Variants in SCN1A observed in about 807,000 individuals in gnomAD.
SCN1A encodes sodium channel protein type 1 subunit alpha.
A neutral mutation model predicts 193.7 loss-of-function variants in SCN1A; 13 were observed. That is an observed-to-expected ratio of 0.07 (90% CI 0.04 to 0.11). The LOEUF (loss-of-function observed/expected upper bound fraction) is 0.11, where lower values mean the gene tolerates loss of function less well. SCN1A is among the 10% of genes least tolerant of loss of function. The pLI is 1.00. For synonymous variants in SCN1A, 781 were observed against 843.6 expected, an observed-to-expected ratio of 0.93 and a Z score of 1.29; for missense variants, 1,432 against 2,451.1, an observed-to-expected ratio of 0.58 and a Z score of 8.78.
Position 166,038,371 on chromosome 2 carries a change from T to C in SCN1A, c.2590-239A>G, listed in dbSNP as rs6719077. 0.74 allele frequency among the ~76,000 whole-genome samples: 111,117 copies of C among 151,020 alleles called. 41,241 individuals carry two copies. The highest frequency in any genetic ancestry group is 0.89 in the East Asian group (4,564 of 5,128). ...TTTTCTTTCCTTTTCTTTTTTTTTTTCTTTTGTCACCCAGGCGGGAGTGCA... is the reference window on the plus strand; with the variant it reads ...TTTTCTTTCCTTTTCTTTTTTTTTTCCTTTTGTCACCCAGGCGGGAGTGCA... On this transcript the variant is annotated intron_variant, in intron 17 of 28. Transcript: ENST00000674923.
At chr2:166,053,641 A>T (rs1387360349) in intron 7 of SCN1A, among the ~76,000 whole-genome samples, 1 of 152,018 alleles carries the variant, frequency 6.6e-6, no homozygotes, top group Non-Finnish European at 1.5e-5. Context: ...CTGTGACCAG[A>T]GAGCCTAGCA....
intron 2 of SCN1A, among the ~76,000 whole-genome samples, chr2:166,080,252 T>G (rs1465340675): frequency 6.6e-6 from 1 of 151,810 alleles, no homozygotes; most frequent in East Asian, 1.9e-4. Context: ...TCTGCAGTTT[T>G]GGCTTACAGC....
intron 3 of SCN1A, chr2:166,077,097 T>C (rs2106000402): frequency 6.6e-6 from 1 of 151,916 alleles, no homozygotes; most frequent in East Asian, 1.9e-4. Context: ...GGAGTGATGG[T>C]GAGGAGGAAT....
At chr2:166,106,068 T>A (rs1025646216) in intron 2 of SCN1A, among the ~76,000 whole-genome samples, 1 of 152,146 alleles carries the variant, frequency 6.6e-6, no homozygotes, top group Non-Finnish European at 1.5e-5. Context: ...GTGCCTGTAG[T>A]CCCAGCTACT....
chr2:166,009,693 A>G (rs777000052), intron 23 of SCN1A, 26 bp downstream of exon 23: 1 of 1,596,406 alleles, frequency 6.3e-7, no homozygotes, highest in Non-Finnish European at 8.6e-7. Context: ...TATATACAAT[A>G]CTTCAGGTTC....
intron 2 of SCN1A, among the ~76,000 whole-genome samples, chr2:166,084,555 A>G (rs532158857): frequency 1.9e-4 from 29 of 152,264 alleles, no homozygotes; most frequent in Middle Eastern, 3.4e-3. Flanking sequence ...GGGAGAAAAA[A>G]TCAGGCTTGG....
intron 18 of SCN1A, among the ~76,000 whole-genome samples, chr2:166,037,128 T>C (rs1321360143): frequency 6.6e-6 from 1 of 152,170 alleles, no homozygotes; most frequent in Non-Finnish European, 1.5e-5. Context: ...TTTTATGTAT[T>C]ACTATACTAT....
chr2:166,103,208 T>C (rs1286300910), intron 2 of SCN1A, among the ~76,000 whole-genome samples: 1 of 152,078 alleles, frequency 6.6e-6, no homozygotes, highest in Non-Finnish European at 1.5e-5. Flanking sequence ...CCCAGCACTT[T>C]GGGAAGCCAA....
At chr2:166,011,125 T>C (rs552526333) in intron 22 of SCN1A, among the ~76,000 whole-genome samples, 12 of 151,336 alleles carry the variant, frequency 7.9e-5, no homozygotes, top group Middle Eastern at 3.4e-3. Context: ...TTTCTCTCAA[T>C]TGGCTCATTT....
intron 19 of SCN1A, among the ~76,000 whole-genome samples, chr2:166,026,577 TTAGA>T (rs1423001379): frequency 6.6e-6 from 1 of 152,128 alleles, no homozygotes; most frequent in Non-Finnish European, 1.5e-5. Context: ...TTTTTTGTTC[TTAGA>T]TTGAAATTTA....
intron 2 of SCN1A, among the ~76,000 whole-genome samples, chr2:166,089,259 T>C (rs760170813): frequency 6.6e-6 from 1 of 152,042 alleles, no homozygotes; most frequent in Non-Finnish European, 1.5e-5. Context: ...CTAGTAAACA[T>C]TATTCATTGT....
chr2:166,063,442 T>C (rs1380670611), intron 4 of SCN1A, among the ~76,000 whole-genome samples: 2 of 152,090 alleles, frequency 1.3e-5, no homozygotes, highest in Non-Finnish European at 2.9e-5. Flanking sequence ...GGTCCAATTG[T>C]TAATTTCAAT....
chr2:166,006,160 A>C (rs2105537703), intron 23 of SCN1A, among the ~76,000 whole-genome samples: 1 of 151,474 alleles, frequency 6.6e-6, no homozygotes, highest in African/African-American at 2.4e-5. Context: ...AGAAATAAAG[A>C]AAATCTATGT....
chr2:166,005,990 C>T (rs1421617612), intron 23 of SCN1A, among the ~76,000 whole-genome samples: 1 of 151,154 alleles, frequency 6.6e-6, no homozygotes, highest in Non-Finnish European at 1.5e-5. Context: ...GGTTCATTAC[C>T]TGCATTTTTA....
Position 166,015,792 on chromosome 2 carries a change from A to C in SCN1A, c.3430-65T>G, listed in dbSNP as rs1462028416. 5.7e-6 allele frequency: 9 copies of C among 1,568,814 alleles called. No homozygotes were observed. In the East Asian group the frequency reaches 6.7e-5, roughly 12 times the overall value. On this transcript the variant is annotated intron_variant, in intron 19 of 28. Transcript: ENST00000674923. ...TTTGGTAATAAGTTGCCTGCCAAGA[A>C]AGGATTATTACTATGAATTTGTTTT...
At chr2:166,059,775 A>G (rs997983378) in intron 4 of SCN1A, among the ~76,000 whole-genome samples, 4 of 152,204 alleles carry the variant, frequency 2.6e-5, no homozygotes, top group Admixed American at 6.5e-5. Flanking sequence ...GAATCTTTGT[A>G]TAGTCTTAGC....
intron 28 of SCN1A, 44 bp downstream of exon 28, chr2:165,994,102 T>C (rs1254058978): frequency 6.9e-7 from 1 of 1,439,962 alleles, no homozygotes; most frequent in Non-Finnish European, 9.6e-7. Context: ...GTTTCAGCTT[T>C]CACTTTTATT....
At chr2:166,115,997 G>A (rs1473181100) in intron 2 of SCN1A, among the ~76,000 whole-genome samples, 1 of 152,212 alleles carries the variant, frequency 6.6e-6, no homozygotes, top group Non-Finnish European at 1.5e-5. Flanking sequence ...AAGACCTAGA[G>A]ATAGAAACAG....
upstream of SCN1A, among the ~76,000 whole-genome samples, chr2:166,131,483 TATAATGG>T (rs1277279907): frequency 6.6e-6 from 1 of 152,152 alleles, no homozygotes; most frequent in Non-Finnish European, 1.5e-5. Context: ...AAGGGAATAT[TATAATGG>T]GACATAATCT....
Sources: gnomAD v4.1 joint callset for allele counts (sites outside exome capture counted in the v4.1 genomes callset) on GRCh38, gnomAD v4.1.1 for gene constraint, MANE v1.5 for transcripts, NCBI Gene and HGNC (gene_info 2026-07-23, HGNC 2026-07-21) for gene names.